FGF13: variants seen among roughly 807,000 people sequenced by gnomAD.
FGF13 encodes the protein fibroblast growth factor homologous factor 2.
In FGF13, 2 loss-of-function variants were observed where a neutral mutation model predicts 19.5. The observed-to-expected ratio is 0.10, with a 90% CI of 0.04 to 0.32. The LOEUF is 0.32. Among genes scored for constraint, FGF13 ranks in the 10% least tolerant of loss-of-function variants. The pLI is 1.00. For missense variants in FGF13, 113 were observed against 192.7 expected (o/e 0.59, Z 2.45); for synonymous variants, 72 against 76.9 (o/e 0.94, Z 0.33).
At chrX:139,197,470 A>G (rs1407687963) in intron 1 of FGF13, among the ~76,000 whole-genome samples, 1 of 112,510 alleles carries the variant, frequency 8.9e-6, no homozygotes, top group African/African-American at 3.2e-5. Flanking sequence ...TGCTTAAAGG[A>G]TTTCCCTATC....
intron 1 of FGF13, among the ~76,000 whole-genome samples, chrX:139,194,638 C>G (rs1036932798): frequency 9.0e-6 from 1 of 111,417 alleles, no homozygotes; most frequent in Admixed American, 9.4e-5. Context: ...GTCAGGTGTA[C>G]GGAAAGCAAG....
chrX:139,073,133 T>TC (rs112886945), intron 1 of FGF13, among the ~76,000 whole-genome samples: 223 of 104,169 alleles, frequency 2.1e-3, no homozygotes, highest in South Asian at 0.013. Context: ...GAGCTGTTTT[T>TC]CCCCCCCCCC....
chrX:139,180,680 G>A (rs746517891), intron 1 of FGF13, among the ~76,000 whole-genome samples: 5 of 111,053 alleles, frequency 4.5e-5, no homozygotes, highest in Admixed American at 2.9e-4. Flanking sequence ...GATGATGTGC[G>A]CAATAGGGCT....
At chrX:139,152,538 T>C (rs928346170) in intron 1 of FGF13, among the ~76,000 whole-genome samples, 4 of 110,564 alleles carry the variant, frequency 3.6e-5, no homozygotes, top group African/African-American at 1.3e-4. Context: ...AAGGTGGATC[T>C]ACCCAGAATG....
chrX:138,774,482 C>T (rs1369129390), intron 3 of FGF13, among the ~76,000 whole-genome samples: 1 of 111,453 alleles, frequency 9.0e-6, no homozygotes, highest in Non-Finnish European at 1.9e-5. Context: ...GCCAAAGTCA[C>T]CCATCTAGTA....
chrX:138,878,934 G>A (rs1261606420), intron 1 of FGF13, among the ~76,000 whole-genome samples: 1 of 111,291 alleles, frequency 9.0e-6, no homozygotes, highest in Non-Finnish European at 1.9e-5. Flanking sequence ...TGTTTTTTTG[G>A]CTGCATAAAT....
At chrX:139,170,645 G>A (rs1271751657) in intron 1 of FGF13, among the ~76,000 whole-genome samples, 1 of 111,443 alleles carries the variant, frequency 9.0e-6, no homozygotes, top group Admixed American at 9.6e-5. Context: ...CTTCCTTGAC[G>A]ATGCTCCAGC....
At chrX:139,001,068 A>T (rs2092070835) in intron 1 of FGF13, among the ~76,000 whole-genome samples, 1 of 111,965 alleles carries the variant, frequency 8.9e-6, no homozygotes, top group South Asian at 3.7e-4. Context: ...AAATCTGATA[A>T]AAACAAGCAA....
At chrX:138,762,667 T>C (rs2090475957) in intron 3 of FGF13, among the ~76,000 whole-genome samples, 1 of 111,620 alleles carries the variant, frequency 9.0e-6, no homozygotes, top group Non-Finnish European at 1.9e-5. Flanking sequence ...TATGCAACAA[T>C]AGGCAAGTCA....
chrX:138,878,566 G>T (rs1479294624), intron 1 of FGF13, among the ~76,000 whole-genome samples: 1 of 107,555 alleles, frequency 9.3e-6, no homozygotes, highest in Non-Finnish European at 1.9e-5. Context: ...GGACATTTGG[G>T]TTGGTTCCAA....
At chrX:138,958,893 C>A (rs895526566) in intron 1 of FGF13, among the ~76,000 whole-genome samples, 4 of 111,420 alleles carry the variant, frequency 3.6e-5, no homozygotes, top group African/African-American at 1.3e-4. Flanking sequence ...TTTATTGCGA[C>A]TATTTGATTC....
intron 1 of FGF13, among the ~76,000 whole-genome samples, chrX:139,098,998 C>A (rs1018707465): frequency 1.8e-5 from 2 of 111,562 alleles, no homozygotes; most frequent in African/African-American, 6.5e-5. Context: ...TGCCACAGAG[C>A]GTCATTCCTG....
intron 1 of FGF13, among the ~76,000 whole-genome samples, chrX:138,877,422 T>A (rs899614062): frequency 1.8e-5 from 2 of 112,041 alleles, no homozygotes; most frequent in African/African-American, 6.5e-5. Context: ...TTAATGGGAA[T>A]TTTTTATTGT....
At chrX:138,869,730 A>G (rs2091348131) in intron 1 of FGF13, among the ~76,000 whole-genome samples, 1 of 112,456 alleles carries the variant, frequency 8.9e-6, no homozygotes, top group Non-Finnish European at 1.9e-5. Flanking sequence ...ATAACTCTCA[A>G]TTACGATAGT....
intron 3 of FGF13, among the ~76,000 whole-genome samples, chrX:138,847,841 G>A (rs190638279): frequency 3.8e-4 from 43 of 111,884 alleles, no homozygotes; most frequent in East Asian, 3.7e-3. Flanking sequence ...AGAGGGCAAT[G>A]CCTCGATGAC....
At position 139,027,338 on chromosome X, in the gene FGF13, T is replaced by C. The variant is rs1364346425; in HGVS notation, c.-112-162688A>G. Reference sequence around the variant, plus strand: ...TTTTTTCCAGAATGGCATGCAAGTTTTCATTCTACATTTTCCCCAAAACAT... The same window carrying C: ...TTTTTTCCAGAATGGCATGCAAGTTCTCATTCTACATTTTCCCCAAAACAT... On this transcript the variant is annotated intron_variant, in intron 1 of 2. Coordinates refer to the FGF13 transcript ENST00000421460. 3.6e-5 allele frequency among the ~76,000 whole-genome samples: 4 copies of C among 112,450 alleles called. No individual in the cohort carries two copies. In the East Asian group the frequency reaches 8.4e-4, roughly 24 times the overall value.
chrX:138,796,612 G>C (rs1421595488), intron 3 of FGF13, among the ~76,000 whole-genome samples: 1 of 111,706 alleles, frequency 9.0e-6, no homozygotes, highest in African/African-American at 3.3e-5. Context: ...GGGTCAAATG[G>C]TATTTCTGGT....
At chrX:138,897,165 A>G (rs2091508537) in intron 1 of FGF13, among the ~76,000 whole-genome samples, 2 of 111,200 alleles carry the variant, frequency 1.8e-5, no homozygotes, top group Admixed American at 1.9e-4. Flanking sequence ...GCACACTACC[A>G]TGCCCAGCTA....
chrX:138,976,137 CT>C (rs2124324618), intron 1 of FGF13, among the ~76,000 whole-genome samples: 1 of 111,683 alleles, frequency 9.0e-6, no homozygotes, highest in East Asian at 2.8e-4. Flanking sequence ...CTCCTGGCCC[CT>C]TGTGACCACC....
Sources: gnomAD v4.1 joint callset for allele counts (sites outside exome capture counted in the v4.1 genomes callset) on GRCh38, gnomAD v4.1.1 for gene constraint, MANE v1.5 for transcripts, NCBI Gene and HGNC (gene_info 2026-07-23, HGNC 2026-07-21) for gene names.